Variants in BEND6 observed in about 807,000 individuals in gnomAD.
BEND6 encodes the protein BEN domain containing 6, also known as BEN domain-containing protein 6.
BEND6 carries 24 observed loss-of-function variants against 31.8 expected under a neutral mutation model. That is an observed-to-expected ratio of 0.75 (90% CI 0.55 to 1.06). The LOEUF is 1.06. Ranked by LOEUF, BEND6 falls within the 50% of genes least tolerant of loss-of-function variation. The pLI, the probability that BEND6 is intolerant of heterozygous loss-of-function variation, is 0.00. For missense variants in BEND6, 294 were observed against 327.4 expected, an observed-to-expected ratio of 0.90 and a Z score of 0.79; for synonymous variants, 109 against 114.6, an observed-to-expected ratio of 0.95 and a Z score of 0.31.
intron 1 of BEND6, among the ~76,000 whole-genome samples, chr6:56,959,950 T>C (rs537184116): frequency 1.3e-5 from 2 of 152,294 alleles, no homozygotes; most frequent in African/African-American, 4.8e-5. Context: ...GAGTTCTTTT[T>C]GGGTGTGTGA....
chr6:57,017,834 C>T (rs1001478027), intron 5 of BEND6, among the ~76,000 whole-genome samples: 1 of 152,158 alleles, frequency 6.6e-6, no homozygotes, highest in East Asian at 1.9e-4. Flanking sequence ...TTTTTGGCAA[C>T]ATCTGACAAA....
chr6:56,972,339 C>T (rs997241695), intron 1 of BEND6, among the ~76,000 whole-genome samples: 5 of 152,098 alleles, frequency 3.3e-5, no homozygotes, highest in African/African-American at 1.2e-4. Flanking sequence ...AAGTGGTCTA[C>T]CCATCTCGGC....
At chr6:57,010,742 A>G in intron 3 of BEND6, 1 of 885,070 alleles carries the variant, frequency 1.1e-6, no homozygotes, top group East Asian at 1.2e-4. Flanking sequence ...TTTAAATTCT[A>G]CAAAATTGTT....
intron 1 of BEND6, among the ~76,000 whole-genome samples, chr6:56,966,206 A>G (rs972809414): frequency 2.0e-5 from 3 of 152,086 alleles, no homozygotes; most frequent in Non-Finnish European, 2.9e-5. Flanking sequence ...GGTTCAGGCA[A>G]TTCTCCTGCC....
intron 4 of BEND6, 99 bp downstream of exon 4, chr6:57,015,452 G>T: frequency 8.9e-7 from 1 of 1,119,542 alleles, no homozygotes; most frequent in Non-Finnish European, 1.3e-6. Context: ...GATAACTATT[G>T]GATAAAATAG....
chr6:57,004,621 C>T, intron 3 of BEND6: 1 of 1,074,742 alleles, frequency 9.3e-7, no homozygotes, highest in Non-Finnish European at 1.4e-6. Context: ...TGGAGCTCTA[C>T]CCCTCCTACG....
At chr6:57,013,954 T>C (rs1827437752) in intron 3 of BEND6, 1 of 152,272 alleles carries the variant, frequency 6.6e-6, no homozygotes, top group African/African-American at 2.4e-5. Flanking sequence ...TTCTCTTCAC[T>C]AACTATGTTT....
At chr6:57,014,444 C>G (rs972228758) in intron 3 of BEND6, 2 of 1,430,786 alleles carry the variant, frequency 1.4e-6, no homozygotes, top group Non-Finnish European at 1.9e-6. Context: ...ACTCCAACAA[C>G]ATGTTATTTG....
chr6:57,006,519 C>A (rs968703177), intron 3 of BEND6, among the ~76,000 whole-genome samples: 1 of 152,186 alleles, frequency 6.6e-6, no homozygotes, highest in African/African-American at 2.4e-5. Context: ...AATTGATATT[C>A]CAAGCTACCT....
At chr6:57,010,959 TTAA>T (rs1827322928) in intron 3 of BEND6, 2 of 407,680 alleles carry the variant, frequency 4.9e-6, no homozygotes, top group African/African-American at 4.3e-5. Flanking sequence ...TATAAGGGAG[TTAA>T]TAATAAAGCT....
At chr6:56,958,843 G>A (rs1257492860) in intron 1 of BEND6, among the ~76,000 whole-genome samples, 4 of 152,102 alleles carry the variant, frequency 2.6e-5, no homozygotes, top group Admixed American at 2.0e-4. Flanking sequence ...GGAGACCTCC[G>A]GAAACCTTTC....
intron 3 of BEND6, among the ~76,000 whole-genome samples, chr6:57,005,930 A>G (rs752509034): frequency 1.3e-5 from 2 of 152,352 alleles, no homozygotes; most frequent in East Asian, 3.9e-4. Context: ...TCAAGTTCCA[A>G]TAATTTAAAG....
chr6:56,986,881 A>C (rs143616794), intron 2 of BEND6, among the ~76,000 whole-genome samples: 1 of 151,730 alleles, frequency 6.6e-6, no homozygotes, highest in East Asian at 1.9e-4. Context: ...TGCTGCTGAA[A>C]TTTGCCATCC....
intron 1 of BEND6, among the ~76,000 whole-genome samples, chr6:56,960,891 G>A (rs962847241): frequency 6.6e-6 from 1 of 152,094 alleles, no homozygotes; most frequent in Non-Finnish European, 1.5e-5. Flanking sequence ...AGTAAAACAG[G>A]GCAACAAACA....
intron 3 of BEND6, chr6:57,010,713 G>A (rs1348268892): frequency 1.2e-5 from 11 of 899,516 alleles, no homozygotes; most frequent in Middle Eastern, 5.7e-4. Context: ...CAGGAAAACA[G>A]CCTACTTATG....
intron 3 of BEND6, chr6:57,008,340 A>T (rs573189597): frequency 1.5e-5 from 10 of 653,190 alleles, no homozygotes; most frequent in Non-Finnish European, 2.8e-5. Context: ...ATGCAAGGCT[A>T]CTACTGATCA....
At chr6:56,973,705 T>A (rs1429697580) in intron 1 of BEND6, among the ~76,000 whole-genome samples, 2 of 152,192 alleles carry the variant, frequency 1.3e-5, no homozygotes, top group African/African-American at 4.8e-5. Context: ...GTAAGTGGTA[T>A]GGCACAAGCT....
At chr6:56,964,485 C>T (rs1487233236) in intron 1 of BEND6, among the ~76,000 whole-genome samples, 1 of 151,924 alleles carries the variant, frequency 6.6e-6, no homozygotes, top group African/African-American at 2.4e-5. Context: ...CCTGCTAAGT[C>T]CCCTGTTCCT....
intron 3 of BEND6, among the ~76,000 whole-genome samples, chr6:56,994,722 A>G (rs978369094): frequency 6.6e-6 from 1 of 152,182 alleles, no homozygotes; most frequent in Non-Finnish European, 1.5e-5. Flanking sequence ...TATTGTTATT[A>G]TACATTTTTA....
Sources: gnomAD v4.1 joint callset for allele counts (sites outside exome capture counted in the v4.1 genomes callset) on GRCh38, gnomAD v4.1.1 for gene constraint, MANE v1.5 for transcripts, NCBI Gene and HGNC (gene_info 2026-07-23, HGNC 2026-07-21) for gene names.